ASPSCR1: variants seen among roughly 807,000 people sequenced by gnomAD.
ASPSCR1 encodes tether containing UBX domain for GLUT4.
A neutral mutation model predicts 68.9 loss-of-function variants in ASPSCR1; 55 were observed. The ratio of observed to expected loss-of-function variants is 0.80; its 90% CI spans 0.64 to 1.00. The LOEUF is 1.00. ASPSCR1 is among the 50% of genes least tolerant of loss of function. ASPSCR1 has a pLI of 0.00. For missense variants in ASPSCR1, 765 were observed against 762.2 expected (o/e 1.00, Z -0.04); for synonymous variants, 352 against 332.6 (o/e 1.06, Z -0.63).
intron 7 of ASPSCR1, 25 bp from the exon 8 acceptor site, chr17:82,009,012 C>T (rs556994070): frequency 8.9e-4 from 1,316 of 1,481,730 alleles, no homozygotes; most frequent in Non-Finnish European, 9.0e-4. Context: ...TGACACCCGC[C>T]GTCAGCCGCG....
intron 7 of ASPSCR1, among the ~76,000 whole-genome samples, chr17:81,998,812 G>T (rs2042437666): frequency 2.0e-5 from 3 of 152,256 alleles, no homozygotes; most frequent in Admixed American, 2.0e-4. Flanking sequence ...TTCTCCGAAG[G>T]TTATGGCCAC....
chr17:81,996,648 C>T lies in ASPSCR1; in HGVS notation c.735C>T (p.Phe245=). 6.2e-7 allele frequency: 1 copy of T among 1,612,840 alleles called. No individual in the cohort carries two copies. Among genetic ancestry groups the T allele is most frequent in the Non-Finnish European group, 8.5e-7 (1 of 1,179,606 alleles). Residue 245 remains phenylalanine (F), a synonymous_variant, in exon 7 of 16, where the codon TTC becomes TTT. Coordinates refer to ENST00000306739, the MANE Select transcript of ASPSCR1 (RefSeq NM_024083.4). ...RAPAAAPFVP[F]SGGGQRLGGP... is the part of the protein sequence containing the mutation. The stretch of plus-strand genomic sequence containing the variant: ...CCGCAGCTGCCCCCTTTGTTCCTTT[C>T]TCGGGTGGGGGACAGAGACTGGGGG...
intron 7 of ASPSCR1, among the ~76,000 whole-genome samples, chr17:82,001,283 C>T (rs541657022): frequency 1.3e-5 from 2 of 152,208 alleles, no homozygotes; most frequent in African/African-American, 4.8e-5. Flanking sequence ...GGGGCTCCTG[C>T]CCCTGGACCC....
chr17:81,995,039 C>G (rs780777895), intron 5 of ASPSCR1, 161 bp downstream of exon 5: 1 of 786,706 alleles, frequency 1.3e-6, no homozygotes, highest in Non-Finnish European at 1.9e-6. Context: ...GGCCGGCCCT[C>G]GGAGCCCGGG....
At chr17:81,985,238 CCA>C (rs976054746) in intron 3 of ASPSCR1, among the ~76,000 whole-genome samples, 12 of 151,724 alleles carry the variant, frequency 7.9e-5, no homozygotes, top group Non-Finnish European at 1.2e-4. Context: ...CCGCACACAC[CCA>C]CACACACATA....
intron 4 of ASPSCR1, among the ~76,000 whole-genome samples, chr17:81,994,342 G>A (rs535992440): frequency 7.9e-5 from 12 of 152,356 alleles, no homozygotes; most frequent in South Asian, 2.1e-4. Flanking sequence ...GACATCAGGC[G>A]TCGGCTTTGA....
intron 11 of ASPSCR1, among the ~76,000 whole-genome samples, chr17:82,011,813 G>C (rs2042957664): frequency 1.3e-5 from 2 of 152,052 alleles, no homozygotes; most frequent in African/African-American, 4.8e-5. Context: ...TGGGAGCCAG[G>C]CTTCCTGCCT....
In ASPSCR1 at chr17:81,982,054, C is replaced by T. The variant is rs146977810; in HGVS notation, c.159-1500C>T. On this transcript the variant is annotated intron_variant, in intron 2 of 15. Transcript: ENST00000306739. ...CGCGATCTTGGCACACTGCAACCTC[C>T]GCCTCCCGGGTTGAAGCACTCCTCC... Among the ~76,000 whole-genome samples, 54 of 151,590 alleles carry T rather than the reference C, an allele frequency of 3.6e-4. No homozygotes were observed. The East Asian group carries it at 9.4e-3, about 26-fold the overall frequency.
At chr17:81,984,781 A>C (rs2041911536) in intron 3 of ASPSCR1, among the ~76,000 whole-genome samples, 1 of 149,198 alleles carries the variant, frequency 6.7e-6, no homozygotes, top group Admixed American at 6.7e-5. Flanking sequence ...ACCCACACAC[A>C]CCCACACACA....
intron 7 of ASPSCR1, among the ~76,000 whole-genome samples, chr17:82,000,861 C>T (rs1021908165): frequency 6.6e-6 from 1 of 152,162 alleles, no homozygotes; most frequent in Non-Finnish European, 1.5e-5. Flanking sequence ...GGAGGCTGCC[C>T]TGCAGCCCTG....
chr17:81,978,327 C>T (rs572824806), intron 1 of ASPSCR1: 37 of 152,254 alleles, frequency 2.4e-4, no homozygotes, highest in African/African-American at 8.7e-4. Context: ...TCAAGACCAT[C>T]CTGGCTAAAA....
At chr17:82,011,173 C>T (rs2042925459) in intron 10 of ASPSCR1, among the ~76,000 whole-genome samples, 1 of 152,178 alleles carries the variant, frequency 6.6e-6, no homozygotes, top group South Asian at 2.1e-4. Context: ...AGGCACCCTA[C>T]CCCGGGAGGA....
chr17:82,012,259 C>A lies in ASPSCR1; in HGVS notation c.1329C>A (p.Asp443Glu). 1 of 1,613,544 alleles carries A rather than the reference C, an allele frequency of 6.2e-7. No individual in the cohort carries two copies. Among genetic ancestry groups the A allele is most frequent in the Non-Finnish European group, 8.5e-7 (1 of 1,179,910 alleles). Residue 443 changes from aspartate to glutamate, a missense_variant, in exon 12 of 16, where the codon GAC becomes GAA. Coordinates refer to ENST00000306739, the MANE Select transcript of ASPSCR1 (RefSeq NM_024083.4). ...LFITPPKTVL[D>E]DHTQTLFQAN... ...TCACCCCTCCAAAAACAGTCCTGGA[C>A]GACCACACGCAGACCCTCTTTCAGG...
rs567167183 is a variant in ASPSCR1 at position 81,987,802 on chromosome 17, G to C, written c.374+2195G>C. 6.6e-6 allele frequency among the ~76,000 whole-genome samples: 1 copy of C among 151,912 alleles called. No homozygotes were observed. Among genetic ancestry groups the C allele is most frequent in the African/African-American group, 2.4e-5 (1 of 41,406 alleles). ...GAGGAGGTTGCAGTGAGCCGAGATC[G>C]CACCATTGCACTCTAGCCTGGGTGA... On this transcript the variant is annotated intron_variant, in intron 4 of 15. Coordinates refer to ENST00000306739, the MANE Select transcript of ASPSCR1 (RefSeq NM_024083.4). This position sits in a 1 kb window ranked among gnomAD's most constrained non-coding sequence, Gnocchi z 5.6.
chr17:81,984,812 CGCACACCCGT>C (rs2041914257), intron 3 of ASPSCR1, among the ~76,000 whole-genome samples: 1 of 147,472 alleles, frequency 6.8e-6, no homozygotes, highest in Non-Finnish European at 1.5e-5. Flanking sequence ...CCCACATACC[CGCACACCCGT>C]ACACACCCCC....
At chr17:81,997,191 T>G (rs893088909) in intron 7 of ASPSCR1, among the ~76,000 whole-genome samples, 2 of 148,668 alleles carry the variant, frequency 1.3e-5, no homozygotes, top group Non-Finnish European at 3.0e-5. Context: ...CCGTGTTGGC[T>G]CCGTGATGTG....
intron 7 of ASPSCR1, among the ~76,000 whole-genome samples, chr17:82,003,119 A>G (rs1316511729): frequency 6.6e-6 from 1 of 152,174 alleles, no homozygotes; most frequent in Non-Finnish European, 1.5e-5. Context: ...AAGAGCTGGC[A>G]TTACAGGCGT....
chr17:82,010,029 C>T (rs1334856888), intron 9 of ASPSCR1: 1 of 337,618 alleles, frequency 3.0e-6, no homozygotes, highest in Non-Finnish European at 5.9e-6. Context: ...CCTGCCTCAG[C>T]CTCCCAAGTA....
rs367770038 is a variant in ASPSCR1 at position 82,001,012 on chromosome 17, G to A, written c.933+4166G>A. Among the ~76,000 whole-genome samples the A allele has an allele frequency of 1.5e-4, 23 of 152,344 alleles. 1 individual carries two copies. The East Asian group carries it at 1.9e-3, about 13-fold the overall frequency. ...CTGCCCTGCCTGCCCCTCCCGCCTC[G>A]GGGGTGAACCTTGCTCCTGGAGCCG... is the stretch of plus-strand genomic sequence containing the variant. On this transcript the variant is annotated intron_variant, in intron 7 of 15. Coordinates refer to ENST00000306739, the MANE Select transcript of ASPSCR1 (RefSeq NM_024083.4).
Sources: gnomAD v4.1 joint callset for allele counts (sites outside exome capture counted in the v4.1 genomes callset) on GRCh38, gnomAD v4.1.1 for gene constraint, Gnocchi (gnomAD v3.1) non-coding constraint, MANE v1.5 for transcripts, NCBI Gene and HGNC (gene_info 2026-07-23, HGNC 2026-07-21) for gene names.